DYNC2H1: variants seen among roughly 807,000 people sequenced by gnomAD.
DYNC2H1 encodes dynein cytoplasmic 2 heavy chain 1, also known as cytoplasmic dynein 2 heavy chain 1.
A neutral mutation model predicts 570.0 loss-of-function variants in DYNC2H1; 410 were observed. The observed-to-expected ratio is 0.72, with a 90% CI of 0.66 to 0.78. The LOEUF is 0.78. Among genes scored for constraint, DYNC2H1 ranks in the 30% least tolerant of loss-of-function variants. The pLI is 0.00. For synonymous variants in DYNC2H1, 1,688 were observed against 1,677.6 expected (o/e 1.01, Z -0.15); for missense variants, 4,865 against 5,046.4 (o/e 0.96, Z 1.09).
chr11:103,436,019 C>G lies in DYNC2H1; in HGVS notation c.12443C>G (p.Ala4148Gly). 6.2e-7 allele frequency: 1 copy of G among 1,612,302 alleles called. No homozygotes were observed. The highest frequency in any genetic ancestry group is 8.5e-7 in the Non-Finnish European group (1 of 1,178,932). The stretch of plus-strand genomic sequence containing the variant: ...TACCTGAGAGGTCTTGTTGCCCGTG[C>G]CCTTGCAATACAGGTATGCCTAAAT... ...LQYLRGLVAR[A>G]LAIQNWVDKA... The change falls in exon 85 of 89, where the codon GCC (alanine) becomes GGC (glycine). Residue 4148 changes from alanine (A) to glycine (G), a missense_variant. Coordinates refer to ENST00000375735, the MANE Select transcript of DYNC2H1 (RefSeq NM_001377.3).
chr11:103,112,691 TA>T (rs1340423289), intron 1 of DYNC2H1, among the ~76,000 whole-genome samples: 1 of 152,194 alleles, frequency 6.6e-6, no homozygotes, highest in African/African-American at 2.4e-5. Context: ...TGGATAGAAA[TA>T]AGTGGCATGA....
At chr11:103,146,668 T>A (rs1218482588) in intron 18 of DYNC2H1, among the ~76,000 whole-genome samples, 1 of 151,764 alleles carries the variant, frequency 6.6e-6, no homozygotes, top group Non-Finnish European at 1.5e-5. Flanking sequence ...AGTAGTGTGA[T>A]CTCGGCTTAC....
rs1203574952 is a variant in DYNC2H1 at position 103,414,571 on chromosome 11, TAGTAAGAG to T, written c.12366+14702_12366+14709del. On this transcript the variant is annotated intron_variant, in intron 84 of 88. Transcript: ENST00000375735. ...GAGAAAGAAATAAAGGATATTCAGA[TAGTAAGAG>T]AGAAGTCACATTGTCTCTGTTTGCA... 2.2e-5 allele frequency among the ~76,000 whole-genome samples: 3 copies of T among 135,742 alleles called. No homozygotes were observed. In the East Asian group the frequency reaches 6.5e-4, roughly 30 times the overall value. The allele number at this position is 135,742 out of a possible 152,430, so 89.1% of individuals were successfully genotyped here. A position where few individuals can be genotyped will look rare whatever the true frequency, so the allele number is the denominator to read the frequency against.
chr11:103,383,913 T>C (rs1941770070), intron 83 of DYNC2H1, among the ~76,000 whole-genome samples: 1 of 152,210 alleles, frequency 6.6e-6, no homozygotes, highest in Non-Finnish European at 1.5e-5. Flanking sequence ...AACTTCATCT[T>C]CTATGCTCCA....
chr11:103,328,246 C>A (rs1445019390), intron 82 of DYNC2H1, among the ~76,000 whole-genome samples: 1 of 152,114 alleles, frequency 6.6e-6, no homozygotes, highest in Admixed American at 6.5e-5. Flanking sequence ...CAGTCTGTTT[C>A]ACTGCTTATT....
chr11:103,278,112 C>G (rs948403881), intron 70 of DYNC2H1, among the ~76,000 whole-genome samples: 1 of 151,908 alleles, frequency 6.6e-6, no homozygotes, highest in Admixed American at 6.6e-5. Context: ...GACCTTTTAT[C>G]CAAGATTTTA....
At position 103,334,889 on chromosome 11, in the gene DYNC2H1, ATCT is replaced by A. The variant is rs916605463; in HGVS notation, c.12039+10903_12039+10905del. Among the ~76,000 whole-genome samples, 4 of 152,100 alleles carry A rather than the reference ATCT, an allele frequency of 2.6e-5. No homozygotes were observed. Among genetic ancestry groups the A allele is most frequent in the African/African-American group, 7.2e-5 (3 of 41,436 alleles). The stretch of plus-strand genomic sequence containing the variant: ...GCAGAGAGAAGGGTATTTTCTAGTA[ATCT>A]TCTCTGCAACTTTCAGCTGTAAAAT... On this transcript the variant is annotated intron_variant, in intron 82 of 88. Coordinates refer to ENST00000375735, the MANE Select transcript of DYNC2H1 (RefSeq NM_001377.3). This position sits in a 1 kb window ranked among gnomAD's most constrained non-coding sequence, Gnocchi z 4.3.
chr11:103,255,955 T>C (rs1865040663), intron 67 of DYNC2H1, 151 bp from the exon 68 acceptor site: 1 of 596,770 alleles, frequency 1.7e-6, no homozygotes, highest in Non-Finnish European at 2.6e-6. Flanking sequence ...AAAAACAGAA[T>C]AAAACTTTAA....
intron 75 of DYNC2H1, among the ~76,000 whole-genome samples, chr11:103,300,407 A>G (rs1209353330): frequency 6.6e-6 from 1 of 152,004 alleles, no homozygotes; most frequent in South Asian, 2.1e-4. Flanking sequence ...TGGCTCTCTA[A>G]CTATATTAAA....
intron 10 of DYNC2H1, 64 bp from the exon 11 acceptor site, chr11:103,122,761 C>T: frequency 7.0e-7 from 1 of 1,438,484 alleles, no homozygotes; most frequent in African/African-American, 1.4e-5. Flanking sequence ...AAGGGGACTC[C>T]TTACTTTATG....
At position 103,395,967 on chromosome 11, in the gene DYNC2H1, T is replaced by G. The variant is rs1942382206; in HGVS notation, c.12157-3696T>G. On this transcript the variant is annotated intron_variant, in intron 83 of 88. Transcript: ENST00000375735. The surrounding 1 kb of genome is among the most constrained non-coding windows in gnomAD (Gnocchi z 4.3). Reference sequence around the variant, plus strand: ...TAACCCTTACAGATCCACTCCAACTTTGTTTTTACTTCTAATTTCCTTTTT... The same window carrying G: ...TAACCCTTACAGATCCACTCCAACTGTGTTTTTACTTCTAATTTCCTTTTT... Among the ~76,000 whole-genome samples the G allele has an allele frequency of 6.6e-6, 1 of 152,154 alleles. No homozygotes were observed. Among genetic ancestry groups the G allele is most frequent in the African/African-American group, 2.4e-5 (1 of 41,462 alleles).
At chr11:103,276,011 A>T (rs1283595805) in intron 70 of DYNC2H1, among the ~76,000 whole-genome samples, 3 of 152,152 alleles carry the variant, frequency 2.0e-5, no homozygotes, top group African/African-American at 4.8e-5. Context: ...GTTGCTCAAC[A>T]TCCTTACCAT....
intron 1 of DYNC2H1, among the ~76,000 whole-genome samples, chr11:103,110,714 G>C (rs1008163658): frequency 6.6e-6 from 1 of 151,908 alleles, no homozygotes; most frequent in African/African-American, 2.4e-5. Context: ...TCAGTAAATA[G>C]ATTTAAGTTA....
At chr11:103,223,254 A>G (rs569589740) in intron 59 of DYNC2H1, among the ~76,000 whole-genome samples, 168 bp downstream of exon 59, 3 of 150,786 alleles carry the variant, frequency 2.0e-5, no homozygotes, top group Admixed American at 6.6e-5. Context: ...GATCAAAAAA[A>G]GAAAGCAATT....
Position 103,203,607 on chromosome 11 carries a change from A to G in DYNC2H1, c.8198-56A>G. The G allele has an allele frequency of 1.7e-6, 2 of 1,176,708 alleles. No individual in the cohort carries two copies. The highest frequency in any genetic ancestry group is 1.6e-5 in the South Asian group (1 of 64,482). The allele number at this position is 1,176,708 out of a possible 1,614,324, so 72.9% of individuals were successfully genotyped here. ...TAAGAGCAGATTTTTAAATACAAAA[A>G]TTGAAAAAGCATCATTTATTAAAAT... On this transcript the variant is annotated intron_variant, in intron 50 of 88. Transcript: ENST00000375735. This position sits in a 1 kb window ranked among gnomAD's most constrained non-coding sequence, Gnocchi z 4.7.
intron 84 of DYNC2H1, chr11:103,403,033 G>A (rs1348382075): frequency 6.6e-6 from 1 of 152,096 alleles, no homozygotes; most frequent in Non-Finnish European, 1.5e-5. Context: ...TCGAGGCAAT[G>A]AAGAAAATTA....
At chr11:103,120,400 A>C (rs1253719261) in intron 6 of DYNC2H1, 47 bp from the exon 7 acceptor site, 1 of 1,477,872 alleles carries the variant, frequency 6.8e-7, no homozygotes. Flanking sequence ...TATTTATGCA[A>C]ATGGTTGGAT....
chr11:103,478,192 T>G (rs1432170154), intron 88 of DYNC2H1, among the ~76,000 whole-genome samples: 1 of 152,198 alleles, frequency 6.6e-6, no homozygotes, highest in African/African-American at 2.4e-5. Context: ...TGGTCATTGA[T>G]CACCTTTGGA....
rs1318921843 is a variant in DYNC2H1 at position 103,156,531 on chromosome 11, A to T, written c.3888A>T (p.Lys1296Asn). The T allele has an allele frequency of 3.1e-6, 5 of 1,613,816 alleles. No individual in the cohort carries two copies. The Admixed American group carries it at 6.7e-5, about 22-fold the overall frequency. Residue 1296 changes from lysine (K) to asparagine (N), a missense_variant, in exon 26 of 89, where the codon AAA (lysine) becomes AAT (asparagine). By Grantham distance (94) the Lys-to-Asn change is moderately conservative. Around this residue, in one of 5 missense-constraint regions of DYNC2H1, gnomAD observed 1,936 missense variants for 1,962.1 expected, o/e 0.99. Transcript: ENST00000375735. ...SRTMKLIKDW[K>N]DIVNQVGDNR... The stretch of plus-strand genomic sequence containing the variant: ...CTATGAAGCTGATTAAAGACTGGAA[A>T]GATATAGTAAATCAGGTTGGAGATA...
Sources: gnomAD v4.1 joint callset for allele counts (sites outside exome capture counted in the v4.1 genomes callset) on GRCh38, gnomAD v4.1.1 for gene constraint, gnomAD v4.1.1 regional missense constraint, Gnocchi (gnomAD v3.1) non-coding constraint, MANE v1.5 for transcripts, NCBI Gene and HGNC (gene_info 2026-07-23, HGNC 2026-07-21) for gene names.